KAT2B: variants seen among roughly 807,000 people sequenced by gnomAD.
KAT2B encodes the protein lysine acetyltransferase 2B.
In KAT2B, 36 loss-of-function variants were observed where a neutral mutation model predicts 105.9. The observed-to-expected ratio is 0.34, with a 90% CI of 0.26 to 0.45. The LOEUF is 0.45. Ranked by LOEUF, KAT2B falls within the 20% of genes least tolerant of loss-of-function variation. The pLI is 1.00. For missense variants in KAT2B, 820 were observed against 1,021.6 expected (o/e 0.80, Z 2.69); for synonymous variants, 397 against 377.9 (o/e 1.05, Z -0.59).
In KAT2B at chr3:20,111,674, A is replaced by T. The variant is rs768816916; in HGVS notation, c.930A>T (p.Thr310=). The T allele has an allele frequency of 6.2e-7, 1 of 1,614,098 alleles. No individual in the cohort carries two copies. Among genetic ancestry groups the T allele is most frequent in the Non-Finnish European group, 8.5e-7 (1 of 1,179,962 alleles). ...RYETTQVFGR[T]LLRSVFTVMR... is the part of the protein sequence containing the mutation. ...AAACCACACAGGTGTTTGGGAGAAC[A>T]TTGCTTCGCTCGGTCTTCACTGTTA... Residue 310 remains threonine, a synonymous_variant, in exon 6 of 18, where the codon ACA becomes ACT. Coordinates refer to ENST00000263754, the MANE Select transcript of KAT2B (RefSeq NM_003884.5).
intron 17 of KAT2B, among the ~76,000 whole-genome samples, chr3:20,149,843 C>T (rs897409724): frequency 6.6e-6 from 1 of 152,310 alleles, no homozygotes; most frequent in Non-Finnish European, 1.5e-5. Flanking sequence ...TGTTAAAACT[C>T]TTTGTGTCCA....
intron 1 of KAT2B, among the ~76,000 whole-genome samples, chr3:20,046,636 G>A (rs1697816536): frequency 6.6e-6 from 1 of 152,176 alleles, no homozygotes; most frequent in Non-Finnish European, 1.5e-5. Flanking sequence ...AGAGGTAGAT[G>A]TGCCACCACA....
At chr3:20,099,790 AAG>A (rs759923486) in intron 3 of KAT2B, 70 bp from the exon 4 acceptor site, 19 of 739,898 alleles carry the variant, frequency 2.6e-5, no homozygotes, top group East Asian at 7.7e-5. Context: ...ACAGAAACAG[AAG>A]AGAGAGGAGA....
At chr3:20,128,347 C>T (rs556384446) in intron 11 of KAT2B, among the ~76,000 whole-genome samples, 127 of 152,284 alleles carry the variant, frequency 8.3e-4, no homozygotes, top group African/African-American at 3.0e-3. Context: ...TTCTTATGAC[C>T]TTGTCCCTAA....
intron 7 of KAT2B, among the ~76,000 whole-genome samples, chr3:20,116,764 C>T (rs890215838): frequency 1.3e-5 from 2 of 152,022 alleles, no homozygotes; most frequent in Admixed American, 6.6e-5. Flanking sequence ...TTTCACAAAC[C>T]CTGGGAAGTT....
chr3:20,041,065 G>A (rs1424229128), intron 1 of KAT2B, among the ~76,000 whole-genome samples: 1 of 152,170 alleles, frequency 6.6e-6, no homozygotes, highest in African/African-American at 2.4e-5. Flanking sequence ...CTACCTTGGG[G>A]TTTTGTTGCT....
rs1302870733 is a variant in KAT2B, at chr3:20,119,656, T to A, written c.1209T>A (p.Leu403=). 2 of 1,613,996 alleles carry A rather than the reference T, an allele frequency of 1.2e-6. No homozygotes were observed. The highest frequency in any genetic ancestry group is 2.7e-5 in the African/African-American group (2 of 74,940). The change falls in exon 8 of 18, where the codon CTT becomes CTA. Residue 403 remains leucine (L), a synonymous_variant. Coordinates refer to ENST00000263754, the MANE Select transcript of KAT2B (RefSeq NM_003884.5). ...CATACAATTCAACCTCATCTTCCCT[T>A]GAGCAGCCAAACGCAGGGAGCAGCA... The part of the protein sequence containing the change: ...TISYNSTSSS[L]EQPNAGSSSP...
chr3:20,116,314 C>T (rs1375123625), intron 7 of KAT2B, among the ~76,000 whole-genome samples: 1 of 152,174 alleles, frequency 6.6e-6, no homozygotes, highest in Non-Finnish European at 1.5e-5. Flanking sequence ...GGCATTTCTT[C>T]TGCAAACTCT....
chr3:20,097,127 G>C (rs1455203524), intron 3 of KAT2B, among the ~76,000 whole-genome samples: 1 of 152,116 alleles, frequency 6.6e-6, no homozygotes, highest in Admixed American at 6.6e-5. Flanking sequence ...ATAGTGTTTA[G>C]AGCTTCTTTG....
At chr3:20,121,734 G>A (rs1305227855) in intron 8 of KAT2B, among the ~76,000 whole-genome samples, 1 of 19,928 alleles carries the variant, frequency 5.0e-5, no homozygotes, top group Non-Finnish European at 8.4e-5. Flanking sequence ...ATATGCATAT[G>A]TGTGTGTGTG....
chr3:20,086,936 C>G (rs1453166538), intron 2 of KAT2B, among the ~76,000 whole-genome samples: 2 of 149,314 alleles, frequency 1.3e-5, no homozygotes, highest in South Asian at 2.2e-4. Context: ...CATGTGCCCC[C>G]ATGCCTGGAT....
At chr3:20,046,017 T>TA (rs1697802682) in intron 1 of KAT2B, among the ~76,000 whole-genome samples, 1 of 152,214 alleles carries the variant, frequency 6.6e-6, no homozygotes, top group Non-Finnish European at 1.5e-5. Flanking sequence ...ACAGGTCACT[T>TA]AGTTTTTCTC....
chr3:20,060,573 C>T (rs1174620493), intron 1 of KAT2B, among the ~76,000 whole-genome samples: 2 of 151,886 alleles, frequency 1.3e-5, no homozygotes, highest in African/African-American at 4.8e-5. Flanking sequence ...TGCACTCCAG[C>T]CTGGGCAACA....
intron 1 of KAT2B, among the ~76,000 whole-genome samples, chr3:20,050,622 A>G (rs1212495403): frequency 2.0e-5 from 3 of 152,246 alleles, no homozygotes; most frequent in African/African-American, 7.2e-5. Context: ...GTAAAGACAC[A>G]TGTTTTTAAA....
intron 11 of KAT2B, among the ~76,000 whole-genome samples, chr3:20,136,365 A>T (rs1190838530): frequency 6.6e-6 from 1 of 152,222 alleles, no homozygotes; most frequent in African/African-American, 2.4e-5. Context: ...CTTCTGGCTG[A>T]TTCAGAGATT....
chr3:20,124,584 T>C (rs79073219), intron 9 of KAT2B, among the ~76,000 whole-genome samples: 5,400 of 152,234 alleles, frequency 0.035, 255 homozygotes, highest in East Asian at 0.22. Flanking sequence ...ACCTCCAACA[T>C]TGGAGATTGC....
At chr3:20,105,138 G>A (rs538198466) in intron 5 of KAT2B, among the ~76,000 whole-genome samples, 4 of 152,138 alleles carry the variant, frequency 2.6e-5, no homozygotes, top group Admixed American at 1.3e-4. Context: ...TGCCTACCTC[G>A]TCCTCCTAAA....
chr3:20,076,934 G>A (rs1486146921), intron 2 of KAT2B, among the ~76,000 whole-genome samples: 1 of 152,160 alleles, frequency 6.6e-6, no homozygotes, highest in African/African-American at 2.4e-5. Flanking sequence ...GAATTTGTCA[G>A]AACAAAACAT....
intron 12 of KAT2B, among the ~76,000 whole-genome samples, chr3:20,138,867 T>C (rs951901079): frequency 2.4e-4 from 37 of 152,166 alleles, no homozygotes; most frequent in African/African-American, 7.5e-4. Flanking sequence ...TTACATAAAA[T>C]CTATTGACTT....
Sources: allele counts gnomAD v4.1 joint callset (sites outside exome capture counted in the v4.1 genomes callset), GRCh38; gene constraint gnomAD v4.1.1; transcripts MANE v1.5; gene names NCBI Gene and HGNC (gene_info 2026-07-23, HGNC 2026-07-21).